Variants in FRK observed in about 807,000 individuals in gnomAD.
FRK encodes tyrosine-protein kinase FRK.
A neutral mutation model predicts 56.4 loss-of-function variants in FRK; 51 were observed. The ratio of observed to expected loss-of-function variants is 0.90; its 90% CI spans 0.72 to 1.14. The LOEUF is 1.14. Ranked by LOEUF, FRK falls within the 50% of genes most tolerant of loss-of-function variation. The probability of loss-of-function intolerance (pLI) is 0.00; values close to 1 mark genes in which losing one functional copy is unlikely to be tolerated. For missense variants in FRK, 570 were observed against 601.4 expected (o/e 0.95, Z 0.55); for synonymous variants, 245 against 217.9 (o/e 1.12, Z -1.10).
At position 115,932,173 on chromosome 6, in the gene FRK, T is replaced by C. The variant is rs1047552573; in HGVS notation, c.*10241A>G. ...AGGCTTTTGAAATTCAGGGTTTATA[T>C]ACTACTTTGTTCTCCAGTATATTTC... On this transcript the variant is annotated 3_prime_UTR_variant, in exon 8 of 8. Transcript: ENST00000606080. 3 of 69,604 alleles carry C rather than the reference T, an allele frequency of 4.3e-5. No individual in the cohort carries two copies. The highest frequency in any genetic ancestry group is 1.3e-4 in the African/African-American group (2 of 15,706). The allele number at this position is 69,604 out of a possible 1,614,324, so 4.3% of individuals were successfully genotyped here. A position where few individuals can be genotyped will look rare whatever the true frequency, so the allele number is the denominator to read the frequency against.
intron 5 of FRK, among the ~76,000 whole-genome samples, chr6:115,950,333 C>A (rs1772680937): frequency 6.6e-6 from 1 of 152,020 alleles, no homozygotes; most frequent in African/African-American, 2.4e-5. Context: ...AACAAATTTA[C>A]AAGAAATAAA....
At chr6:116,016,632 AT>A (rs959495995) in intron 1 of FRK, among the ~76,000 whole-genome samples, 2 of 151,878 alleles carry the variant, frequency 1.3e-5, no homozygotes, top group African/African-American at 4.8e-5. Context: ...CTTTGGGGGG[AT>A]TAAAATGAAG....
chr6:115,978,035 T>C (rs567799305), intron 2 of FRK, among the ~76,000 whole-genome samples: 2 of 152,332 alleles, frequency 1.3e-5, no homozygotes, highest in South Asian at 4.1e-4. Context: ...ATTTACAGCA[T>C]CTCATATTGC....
chr6:115,945,474 C>T (rs1326228293), intron 5 of FRK, among the ~76,000 whole-genome samples: 2 of 152,042 alleles, frequency 1.3e-5, no homozygotes, highest in Non-Finnish European at 2.9e-5. Context: ...TGCTGTTGAG[C>T]TTTTTGTTCA....
At chr6:116,004,912 T>C (rs1486787602) in intron 1 of FRK, among the ~76,000 whole-genome samples, 1 of 152,090 alleles carries the variant, frequency 6.6e-6, no homozygotes, top group African/African-American at 2.4e-5. Context: ...AGGTAAAACA[T>C]TGATCTTTTC....
At position 115,935,581 on chromosome 6, in the gene FRK, C is replaced by A. The variant is rs916206202; in HGVS notation, c.*6833G>T. The A allele has an allele frequency of 1.3e-5, 2 of 152,464 alleles. No individual in the cohort carries two copies. Among genetic ancestry groups the A allele is most frequent in the Admixed American group, 6.5e-5 (1 of 15,284 alleles). The allele number at this position is 152,464 out of a possible 1,614,324, so 9.4% of individuals were successfully genotyped here. A position where few individuals can be genotyped will look rare whatever the true frequency, so the allele number is the denominator to read the frequency against. ...CGGGTCCCACCCCCACGGAGCCCAG[C>A]AAGCTAAGATTCACTGGCTTGAAAT... On this transcript the variant is annotated 3_prime_UTR_variant, in exon 8 of 8. Transcript: ENST00000606080.
intron 1 of FRK, among the ~76,000 whole-genome samples, chr6:116,008,367 A>G (rs1775333307): frequency 6.6e-6 from 1 of 152,232 alleles, no homozygotes; most frequent in Non-Finnish European, 1.5e-5. Context: ...CATAGTAACA[A>G]TGAAATAAAT....
intron 2 of FRK, among the ~76,000 whole-genome samples, chr6:115,976,305 C>G (rs1257075912): frequency 6.6e-6 from 1 of 152,066 alleles, no homozygotes; most frequent in Non-Finnish European, 1.5e-5. Context: ...TTCTACCCCA[C>G]ACAGGTAACA....
chr6:116,100,297 G>C, the FRK span, among the ~76,000 whole-genome samples: 1 of 152,198 alleles, frequency 6.6e-6, no homozygotes, highest in African/African-American at 2.4e-5. Flanking sequence ...GTATGAAATA[G>C]TGAAAGGTCT....
At chr6:116,048,954 A>G (rs1330569288) in intron 1 of FRK, among the ~76,000 whole-genome samples, 1 of 148,444 alleles carries the variant, frequency 6.7e-6, no homozygotes, top group Non-Finnish European at 1.5e-5. Context: ...TATTCTTGGG[A>G]TTGTTCACAT....
the FRK span, among the ~76,000 whole-genome samples, chr6:116,096,328 A>C: frequency 1.3e-5 from 2 of 152,362 alleles, no homozygotes; most frequent in South Asian, 2.1e-4. Flanking sequence ...AGGTGAAGCC[A>C]GCTGTACTTT....
chr6:116,090,523 A>G, the FRK span, among the ~76,000 whole-genome samples: 1 of 152,196 alleles, frequency 6.6e-6, no homozygotes, highest in Non-Finnish European at 1.5e-5. Flanking sequence ...GCATGGTTTG[A>G]GTCAAAACTA....
chr6:115,967,697 T>A lies in FRK; in HGVS notation c.653A>T (p.Asp218Val). ...TTGGTCCACGGTTTTATACGACAAA[T>A]CAAATGGAGCTGGGACCTGGATCTG... The part of the protein sequence containing the change: ...CLKIQVPAPF[D>V]LSYKTVDQWE... Residue 218 changes from aspartate (D) to valine (V), a missense_variant, in exon 4 of 8, where the codon GAT becomes GTT. Transcript: ENST00000606080. The A allele has an allele frequency of 6.2e-7, 1 of 1,607,974 alleles. No homozygotes were observed. The highest frequency in any genetic ancestry group is 2.2e-5 in the East Asian group (1 of 44,750).
intron 1 of FRK, among the ~76,000 whole-genome samples, chr6:116,042,350 C>T (rs1000140752): frequency 6.6e-5 from 10 of 152,194 alleles, no homozygotes; most frequent in Non-Finnish European, 1.5e-4. Flanking sequence ...TCCTGCCTGC[C>T]AGCAAAGGGA....
Position 115,947,284 on chromosome 6 carries a change from G to C in FRK, c.959-2859C>G, listed in dbSNP as rs75818781. On this transcript the variant is annotated intron_variant, in intron 5 of 7. Transcript: ENST00000606080. ...TTTAATAAAAAATGAAATAAATAGA[G>C]TCAAAAGAATTTTTTAAGGGAAAGA... is the stretch of plus-strand genomic sequence containing the variant. Among the ~76,000 whole-genome samples the C allele has an allele frequency of 5.3e-5, 8 of 151,700 alleles. No individual in the cohort carries two copies. The East Asian group carries it at 1.5e-3, about 29-fold the overall frequency.
intron 2 of FRK, among the ~76,000 whole-genome samples, chr6:115,986,568 ACT>A (rs1401707039): frequency 1.3e-5 from 2 of 152,070 alleles, no homozygotes; most frequent in Non-Finnish European, 2.9e-5. Flanking sequence ...GATGAGTAAC[ACT>A]CTATCTAGCC....
chr6:116,075,867 AAGAT>A, the FRK span, among the ~76,000 whole-genome samples: 1 of 152,172 alleles, frequency 6.6e-6, no homozygotes, highest in Non-Finnish European at 1.5e-5. Flanking sequence ...GTGACAATGA[AAGAT>A]AGAGGGATGA....
intron 1 of FRK, among the ~76,000 whole-genome samples, chr6:116,052,690 A>T (rs1236806926): frequency 6.6e-6 from 1 of 152,112 alleles, no homozygotes; most frequent in South Asian, 2.1e-4. Flanking sequence ...GCTGGTCAGG[A>T]AAAAAAGAGG....
At chr6:116,000,446 T>C (rs1461201944) in intron 2 of FRK, among the ~76,000 whole-genome samples, 1 of 152,022 alleles carries the variant, frequency 6.6e-6, no homozygotes, top group Non-Finnish European at 1.5e-5. Flanking sequence ...TTTCACCATG[T>C]TGGCCAGGCT....
Sources: allele counts gnomAD v4.1 joint callset (sites outside exome capture counted in the v4.1 genomes callset), GRCh38; gene constraint gnomAD v4.1.1; transcripts MANE v1.5; gene names NCBI Gene and HGNC (gene_info 2026-07-23, HGNC 2026-07-21).